KDM1B: variants seen among roughly 807,000 people sequenced by gnomAD.
The protein encoded by KDM1B is lysine demethylase 1B.
In KDM1B, 63 loss-of-function variants were observed where a neutral mutation model predicts 107.4. The ratio of observed to expected loss-of-function variants is 0.59; its 90% confidence interval spans 0.48 to 0.72. The LOEUF (loss-of-function observed/expected upper bound fraction) is 0.72, where lower values mean the gene tolerates loss of function less well. Among genes scored for constraint, KDM1B ranks in the 30% least tolerant of loss-of-function variants. The pLI, the probability that KDM1B is intolerant of heterozygous loss-of-function variation, is 0.00. For synonymous variants in KDM1B, 363 were observed against 363.9 expected (o/e 1.00, Z 0.03); for missense variants, 749 against 1,020.8 (o/e 0.73, Z 3.63).
chr6:18,217,395 T>G (rs1443748247), intron 20 of KDM1B, among the ~76,000 whole-genome samples: 1 of 150,718 alleles, frequency 6.6e-6, no homozygotes, highest in Non-Finnish European at 1.5e-5. Context: ...TTTTTTTTTT[T>G]TGAGATGGAG....
At chr6:18,208,443 T>C (rs1242164795) in intron 17 of KDM1B, among the ~76,000 whole-genome samples, 1 of 151,116 alleles carries the variant, frequency 6.6e-6, no homozygotes, top group Non-Finnish European at 1.5e-5. Context: ...TTCCTTGAGG[T>C]GAGTTCTAGG....
Position 18,162,780 on chromosome 6 carries a change from T to C in KDM1B, c.216-55T>C. On this transcript the variant is annotated intron_variant, in intron 4 of 21. Coordinates refer to ENST00000650836, the MANE Select transcript of KDM1B (RefSeq NM_001364614.2). The surrounding 1 kb of genome is among the most constrained non-coding windows in gnomAD (Gnocchi z 4.1). ...TGCTTGCAAGATGTTTTTTAAAAAA[T>C]GGGAGGAGAAATGTTTATTCATTAC... 1 of 1,009,318 alleles carries C rather than the reference T, an allele frequency of 9.9e-7. No homozygotes were observed. Among genetic ancestry groups the C allele is most frequent in the Non-Finnish European group, 1.6e-6 (1 of 633,022 alleles). The allele number at this position is 1,009,318 out of a possible 1,614,324, so 62.5% of individuals were successfully genotyped here.
In KDM1B at chr6:18,223,431, G is replaced by GTTA. The variant is rs1295998865; in HGVS notation, c.*1442_*1444dup. On this transcript the variant is annotated 3_prime_UTR_variant, in exon 22 of 22. Coordinates refer to ENST00000650836, the MANE Select transcript of KDM1B (RefSeq NM_001364614.2). Reference sequence around the variant, plus strand: ...AACCCAAGACAACTCTGATATTTAGGTTATTTGTTGAGACTCATTGGTACT... The same window carrying GTTA: ...AACCCAAGACAACTCTGATATTTAGGTTATTATTTGTTGAGACTCATTGGTACT... 2.7e-5 allele frequency: 4 copies of GTTA among 147,140 alleles called. No homozygotes were observed. The highest frequency in any genetic ancestry group is 1.0e-4 in the African/African-American group (4 of 39,744). 9.1% of individuals were successfully genotyped at this position (147,140 alleles called of 1,614,324 possible). A position where few individuals can be genotyped will look rare whatever the true frequency, so the allele number is the denominator to read the frequency against.
intron 7 of KDM1B, among the ~76,000 whole-genome samples, chr6:18,185,304 CT>C (rs554155812): frequency 1.6e-3 from 221 of 142,414 alleles, no homozygotes; most frequent in Non-Finnish European, 1.4e-3. Flanking sequence ...CACACTCTCA[CT>C]TTTTTTTTTT....
At chr6:18,217,030 C>T (rs1396936221) in intron 20 of KDM1B, among the ~76,000 whole-genome samples, 2 of 152,156 alleles carry the variant, frequency 1.3e-5, no homozygotes, top group South Asian at 2.1e-4. Flanking sequence ...GTTGAGAATT[C>T]CAACCTGTGA....
chr6:18,187,884 C>G lies in KDM1B; in HGVS notation c.666C>G (p.Ala222=). ...GTGTGGCAGCGCCCCTGCTGTCTGCCTACTACCCTGACTGTGTTGGCATGA... is the reference window on the plus strand; with the variant it reads ...GTGTGGCAGCGCCCCTGCTGTCTGCGTACTACCCTGACTGTGTTGGCATGA... ...KDSVAAPLLS[A]YYPDCVGMSP... is the part of the protein sequence containing the mutation. The change falls in exon 9 of 22, where the codon GCC becomes GCG. Residue 222 remains alanine, a synonymous_variant. Transcript: ENST00000650836. The G allele has an allele frequency of 6.4e-7, 1 of 1,550,474 alleles. No individual in the cohort carries two copies. Among genetic ancestry groups the G allele is most frequent in the South Asian group, 1.2e-5 (1 of 84,060 alleles).
At position 18,222,035 on chromosome 6, in the gene KDM1B, A is replaced by T; in HGVS notation, c.*43A>T. Reference sequence around the variant, plus strand: ...CTTTCTTCTGTACCCCAGATGGGGAAATTTGAATCACATGTTAAACCTCAG... The same window carrying T: ...CTTTCTTCTGTACCCCAGATGGGGATATTTGAATCACATGTTAAACCTCAG... On this transcript the variant is annotated 3_prime_UTR_variant, in exon 22 of 22. Transcript: ENST00000650836. 6 of 1,547,604 alleles carry T rather than the reference A, an allele frequency of 3.9e-6. No homozygotes were observed. Among genetic ancestry groups the T allele is most frequent in the Non-Finnish European group, 5.4e-6 (6 of 1,119,490 alleles).
chr6:18,192,510 G>A (rs1019497430), intron 10 of KDM1B, among the ~76,000 whole-genome samples: 3 of 152,086 alleles, frequency 2.0e-5, no homozygotes, highest in African/African-American at 4.8e-5. Flanking sequence ...TAGGCTGTGC[G>A]AGGTAGCCAG....
At chr6:18,180,406 A>G (rs1332894116) in intron 7 of KDM1B, among the ~76,000 whole-genome samples, 1 of 152,194 alleles carries the variant, frequency 6.6e-6, no homozygotes, top group Non-Finnish European at 1.5e-5. Flanking sequence ...GCCAAGCAAC[A>G]ATAAAAAATA....
intron 21 of KDM1B, 41 bp from the exon 22 acceptor site, chr6:18,221,868 A>G: frequency 2.8e-6 from 4 of 1,411,002 alleles, no homozygotes; most frequent in African/African-American, 1.9e-5. Flanking sequence ...TATCAACTCA[A>G]CTCTATGCAT....
chr6:18,215,266 C>A, intron 20 of KDM1B, 137 bp downstream of exon 20: 1 of 946,484 alleles, frequency 1.1e-6, no homozygotes, highest in African/African-American at 1.7e-5. Context: ...TTTCAGAGTC[C>A]CACTGCCCAC....
Position 18,222,339 on chromosome 6 carries a change from T to G in KDM1B, c.*347T>G. On this transcript the variant is annotated 3_prime_UTR_variant, in exon 22 of 22. Coordinates refer to ENST00000650836, the MANE Select transcript of KDM1B (RefSeq NM_001364614.2). ...CACATTTTATATGGCTGATCAATTT[T>G]CATACATTGAGAAACCAAGTCAATC... is the stretch of plus-strand genomic sequence containing the variant. 1 of 358,716 alleles carries G rather than the reference T, an allele frequency of 2.8e-6. No homozygotes were observed. The highest frequency in any genetic ancestry group is 2.3e-5 in the South Asian group (1 of 43,018). The allele number at this position is 358,716 out of a possible 1,614,324, so 22.2% of individuals were successfully genotyped here. A position where few individuals can be genotyped will look rare whatever the true frequency, so the allele number is the denominator to read the frequency against.
intron 20 of KDM1B, among the ~76,000 whole-genome samples, chr6:18,216,642 GATTC>G (rs1441236925): frequency 6.6e-6 from 1 of 152,156 alleles, no homozygotes; most frequent in East Asian, 1.9e-4. Flanking sequence ...TCCAGAAATA[GATTC>G]ATAAGTTTTC....
Position 18,161,378 on chromosome 6 carries a change from G to A in KDM1B, c.139G>A (p.Glu47Lys). The A allele has an allele frequency of 6.2e-7, 1 of 1,614,016 alleles. No homozygotes were observed. The highest frequency in any genetic ancestry group is 2.2e-5 in the East Asian group (1 of 44,864). The change falls in exon 4 of 22, where the codon GAG becomes AAG. Residue 47 changes from glutamate to lysine, a missense_variant. Glu to Lys is a moderately conservative substitution (Grantham distance 56, BLOSUM62 1). Coordinates refer to ENST00000650836, the MANE Select transcript of KDM1B (RefSeq NM_001364614.2). Reference protein sequence around the residue: ...TTDEDEDGGSEKKYRKCEKAG... With the variant: ...TTDEDEDGGSKKKYRKCEKAG... The stretch of plus-strand genomic sequence containing the variant: ...AGATGAGGATGAAGATGGTGGCTCA[G>A]AGAAGAAGTACAGGAAATGTGAAAA...
At chr6:18,183,229 A>G (rs1209153837) in intron 7 of KDM1B, among the ~76,000 whole-genome samples, 2 of 144,612 alleles carry the variant, frequency 1.4e-5, no homozygotes, top group Non-Finnish European at 3.0e-5. Flanking sequence ...CTTCCCTTGC[A>G]GGGGTAAACA....
At chr6:18,196,514 C>A (rs567485030) in intron 10 of KDM1B, among the ~76,000 whole-genome samples, 1 of 152,156 alleles carries the variant, frequency 6.6e-6, no homozygotes, top group Admixed American at 6.5e-5. Context: ...GCCATTTTAA[C>A]AGGTGTGAGG....
Position 18,215,066 on chromosome 6 carries a change from C to T in KDM1B, c.2169C>T (p.Thr723=), listed in dbSNP as rs757456976. The T allele has an allele frequency of 6.2e-7, 1 of 1,614,036 alleles. No individual in the cohort carries two copies. The highest frequency in any genetic ancestry group is 1.1e-5 in the South Asian group (1 of 91,082). ...GGGAGGCTGTCGCATCCGTGAGGAC[C>T]CTGGATGACAAACAGGTGCTGCAGC... The part of the protein sequence containing the change: ...IAGEAVASVR[T]LDDKQVLQQC... Residue 723 remains threonine, a synonymous_variant, in exon 20 of 22, where the codon ACC becomes ACT. Coordinates refer to ENST00000650836, the MANE Select transcript of KDM1B (RefSeq NM_001364614.2).
rs1161622785 is a variant in KDM1B, at chr6:18,200,238, G to A, written c.1222-201G>A. On this transcript the variant is annotated intron_variant, in intron 12 of 21. Coordinates refer to ENST00000650836, the MANE Select transcript of KDM1B (RefSeq NM_001364614.2). This position sits in a 1 kb window ranked among gnomAD's most constrained non-coding sequence, Gnocchi z 4.3. ...TCAACAGACCACTCAGTTTTTCCTC[G>A]CTAGAGTCTAGATGGATTGTTTTGA... 6.6e-6 allele frequency among the ~76,000 whole-genome samples: 1 copy of A among 152,130 alleles called. No homozygotes were observed. The highest frequency in any genetic ancestry group is 2.4e-5 in the African/African-American group (1 of 41,418).
chr6:18,175,980 A>AT (rs57413851), intron 7 of KDM1B, among the ~76,000 whole-genome samples: 5,959 of 151,824 alleles, frequency 0.039, 227 homozygotes, highest in East Asian at 0.18. Context: ...GAGTTTTAGA[A>AT]TTTTTTCTAA....
Sources: allele counts gnomAD v4.1 joint callset (sites outside exome capture counted in the v4.1 genomes callset), GRCh38; gene constraint gnomAD v4.1.1; non-coding constraint Gnocchi (gnomAD v3.1); transcripts MANE v1.5; gene names NCBI Gene and HGNC (gene_info 2026-07-23, HGNC 2026-07-21).